CTBP1: variants seen among roughly 807,000 people sequenced by gnomAD.
The protein encoded by CTBP1 is C-terminal-binding protein 1.
In CTBP1, 11 loss-of-function variants were observed where a neutral mutation model predicts 42.1. That is an observed-to-expected ratio of 0.26 (90% confidence interval 0.16 to 0.43). The LOEUF is 0.43. Ranked by LOEUF, CTBP1 falls within the 20% of genes least tolerant of loss-of-function variation. CTBP1 has a pLI of 1.00. For missense variants in CTBP1, 399 were observed against 624.3 expected, an observed-to-expected ratio of 0.64 and a Z score of 3.85; for synonymous variants, 324 against 277.1, an observed-to-expected ratio of 1.17 and a Z score of -1.68.
intron 5 of CTBP1, among the ~76,000 whole-genome samples, chr4:1,224,962 C>A (rs919930554): frequency 6.6e-6 from 1 of 150,968 alleles, no homozygotes; most frequent in Non-Finnish European, 1.5e-5. Context: ...CATGTGTGCT[C>A]TGATTTCTGT....
At chr4:1,222,666 A>G (rs1423993025) in intron 5 of CTBP1, among the ~76,000 whole-genome samples, 1 of 151,950 alleles carries the variant, frequency 6.6e-6, no homozygotes, top group African/African-American at 2.4e-5. Flanking sequence ...CCACAGCCCT[A>G]CCCTCTGAGG....
At chr4:1,224,409 TGCTGTGTGAG>T (rs895946831) in intron 5 of CTBP1, among the ~76,000 whole-genome samples, 6 of 151,350 alleles carry the variant, frequency 4.0e-5, no homozygotes, top group Admixed American at 2.0e-4. Context: ...GACCCATGTG[TGCTGTGTGAG>T]GCTGTGTGTA....
intron 1 of CTBP1, 134 bp downstream of exon 1, chr4:1,248,782 C>T: frequency 8.4e-6 from 8 of 957,358 alleles, no homozygotes; most frequent in Non-Finnish European, 9.9e-6. Flanking sequence ...GACGCCGGCG[C>T]GCACGCGCAC....
intron 5 of CTBP1, chr4:1,221,498 A>G (rs1411139104): frequency 1.9e-5 from 3 of 156,832 alleles, no homozygotes; most frequent in East Asian, 3.8e-4. Flanking sequence ...AAAAACTTAC[A>G]AAATGCATCA....
intron 3 of CTBP1, chr4:1,236,933 A>G: frequency 1.5e-6 from 1 of 674,530 alleles, no homozygotes; most frequent in Non-Finnish European, 2.7e-6. Flanking sequence ...CCACCTCCTG[A>G]TGGGGCTCAG....
At chr4:1,245,644 CGGG>C in intron 1 of CTBP1, 1 of 977,318 alleles carries the variant, frequency 1.0e-6, no homozygotes, top group Non-Finnish European at 1.2e-6. Flanking sequence ...GTGGCATGGA[CGGG>C]CAGGGTGACA....
At chr4:1,236,412 C>T (rs998451802) in intron 3 of CTBP1, 23 of 554,476 alleles carry the variant, frequency 4.1e-5, no homozygotes, top group African/African-American at 1.5e-4. Context: ...GTGTGAAGAC[C>T]GCCGCGCAAC....
intron 3 of CTBP1, chr4:1,237,072 G>A: frequency 1.5e-6 from 1 of 670,790 alleles, no homozygotes; most frequent in African/African-American, 1.8e-5. Context: ...TGGGGCTCAG[G>A]GAAAACCCCG....
rs527828100 is a variant in CTBP1, at chr4:1,216,575, C to A, written c.515-370G>T. 2.3e-3 allele frequency: 844 copies of A among 363,582 alleles called. 3 individuals carry two copies. Among genetic ancestry groups the A allele is most frequent in the Non-Finnish European group, 2.9e-3 (578 of 196,734 alleles). The allele number at this position is 363,582 out of a possible 1,614,324, so 22.5% of individuals were successfully genotyped here. A position where few individuals can be genotyped will look rare whatever the true frequency, so the allele number is the denominator to read the frequency against. ...CCAACACATGTCCTCCGTGCCCAGG[C>A]CCCTCCGCTGGCCTTTCGATCCACC... is the stretch of plus-strand genomic sequence containing the variant. On this transcript the variant is annotated intron_variant, in intron 5 of 9. Transcript: ENST00000382952.
In CTBP1 at chr4:1,241,830, G is replaced by A. The variant is rs1313998496; in HGVS notation, c.-188-311C>T. ...CCACAGGCTCTAGCCGCATCCAGATGTCCCCAGTGTCCAAGAACCAGGGGA... is the reference window on the plus strand; with the variant it reads ...CCACAGGCTCTAGCCGCATCCAGATATCCCCAGTGTCCAAGAACCAGGGGA... On this transcript the variant is annotated intron_variant, in intron 1 of 9. Coordinates refer to ENST00000382952, the MANE Select transcript of CTBP1 (RefSeq NM_001012614.2). 2.6e-6 allele frequency: 3 copies of A among 1,160,132 alleles called. No homozygotes were observed. The African/African-American group carries it at 4.8e-5, about 19-fold the overall frequency. The allele number at this position is 1,160,132 out of a possible 1,614,324, so 71.9% of individuals were successfully genotyped here.
At chr4:1,230,293 G>T (rs1164838684) in intron 3 of CTBP1, among the ~76,000 whole-genome samples, 5 of 152,232 alleles carry the variant, frequency 3.3e-5, no homozygotes, top group Admixed American at 2.6e-4. Flanking sequence ...TGGTGGAGGC[G>T]AGCGGTGCGG....
At chr4:1,244,968 C>T (rs1483210605) in intron 1 of CTBP1, 1 of 985,362 alleles carries the variant, frequency 1.0e-6, no homozygotes, top group Non-Finnish European at 1.2e-6. Flanking sequence ...AGGCCCTGCC[C>T]TGCAATGGCA....
At chr4:1,214,104 C>T (rs1728840539) in intron 7 of CTBP1, 2 of 531,838 alleles carry the variant, frequency 3.8e-6, no homozygotes, top group Admixed American at 4.1e-5. Context: ...TGGTCAGGAG[C>T]CCTGCCCAAA....
intron 3 of CTBP1, chr4:1,237,714 G>A: frequency 1.4e-6 from 1 of 691,170 alleles, no homozygotes; most frequent in South Asian, 1.5e-5. Flanking sequence ...CAAACCCCGT[G>A]TCCACCTCCT....
At chr4:1,228,063 G>A (rs1005574721) in intron 4 of CTBP1, 136 bp downstream of exon 4, 8 of 1,235,740 alleles carry the variant, frequency 6.5e-6, no homozygotes, top group Middle Eastern at 2.2e-4. Flanking sequence ...CCCCAGACGG[G>A]ACCACGAACC....
At position 1,235,475 on chromosome 4, in the gene CTBP1, T is replaced by C. The variant is rs951809585; in HGVS notation, c.162+2708A>G. Reference sequence around the variant, plus strand: ...TTTCTGCAAGAGCGACCCTTCCTCATCTCGCCCTCTCCCGCGTTCTCTCCT... The same window carrying C: ...TTTCTGCAAGAGCGACCCTTCCTCACCTCGCCCTCTCCCGCGTTCTCTCCT... On this transcript the variant is annotated intron_variant, in intron 3 of 9. Transcript: ENST00000382952. The surrounding 1 kb of genome is among the most constrained non-coding windows in gnomAD (Gnocchi z 4.2). 9.9e-5 allele frequency: 15 copies of C among 152,252 alleles called. No homozygotes were observed. The highest frequency in any genetic ancestry group is 3.6e-4 in the African/African-American group (15 of 41,444). The allele number at this position is 152,252 out of a possible 1,614,324, so 9.4% of individuals were successfully genotyped here. A position where few individuals can be genotyped will look rare whatever the true frequency, so the allele number is the denominator to read the frequency against.
At chr4:1,216,357 C>T in intron 5 of CTBP1, 152 bp from the exon 6 acceptor site, 1 of 750,020 alleles carries the variant, frequency 1.3e-6, no homozygotes, top group Non-Finnish European at 2.1e-6. Context: ...CCCACGCACG[C>T]TCCACACGAG....
At chr4:1,216,445 C>T (rs1234447504) in intron 5 of CTBP1, 48 of 592,152 alleles carry the variant, frequency 8.1e-5, no homozygotes, top group South Asian at 3.0e-4. Flanking sequence ...ACTAGCCCCT[C>T]GGCCCACACC....
intron 3 of CTBP1, chr4:1,237,508 A>G: frequency 1.5e-6 from 1 of 679,456 alleles, no homozygotes; most frequent in South Asian, 1.5e-5. Flanking sequence ...CCCCGTGTCC[A>G]CCTCCTGATG....
Sources: gnomAD v4.1 joint callset for allele counts (sites outside exome capture counted in the v4.1 genomes callset) on GRCh38, gnomAD v4.1.1 for gene constraint, Gnocchi (gnomAD v3.1) non-coding constraint, MANE v1.5 for transcripts, NCBI Gene and HGNC (gene_info 2026-07-23, HGNC 2026-07-21) for gene names.